Variants in CNIH3 observed in about 807,000 individuals in gnomAD.
CNIH3 encodes the protein cornichon family AMPA receptor auxiliary protein 3, also known as protein cornichon homolog 3.
CNIH3 carries 14 observed loss-of-function variants against 24.1 expected under a neutral mutation model. That is an observed-to-expected ratio of 0.58 (90% CI 0.38 to 0.91). The LOEUF is 0.91. CNIH3 is among the 40% of genes least tolerant of loss of function. The pLI is 0.00. For missense variants in CNIH3, 178 were observed against 196.8 expected (o/e 0.90, Z 0.57); for synonymous variants, 68 against 73.8 (o/e 0.92, Z 0.40).
At chr1:224,591,170 A>T (rs1487828149), downstream of CNIH3, among the ~76,000 whole-genome samples, 1 of 152,238 alleles carries the variant, frequency 6.6e-6, no homozygotes, top group Non-Finnish European at 1.5e-5. Flanking sequence ...GACACCCTGC[A>T]CTGCTTCACA....
chr1:224,706,000 A>G (rs1182557612), intron 3 of CNIH3, among the ~76,000 whole-genome samples: 1 of 150,644 alleles, frequency 6.6e-6, no homozygotes, highest in Non-Finnish European at 1.5e-5. Flanking sequence ...GCTGATGACT[A>G]CTCTAGCACT....
intron 1 of CNIH3, among the ~76,000 whole-genome samples, chr1:224,463,830 G>A (rs1242559229): frequency 1.0e-4 from 12 of 117,902 alleles, no homozygotes; most frequent in Non-Finnish European, 1.9e-4. Context: ...TCGCTCTGTC[G>A]CCCAGGCTGG....
chr1:224,641,369 C>T lies in CNIH3; in HGVS notation c.81+24114C>T, dbSNP rs373631445. 5.1e-4 allele frequency among the ~76,000 whole-genome samples: 78 copies of T among 152,340 alleles called. 2 individuals are homozygous for T. In the East Asian group the frequency reaches 0.015, roughly 29 times the overall value. On this transcript the variant is annotated intron_variant, in intron 1 of 5. Coordinates refer to ENST00000272133, the MANE Select transcript of CNIH3 (RefSeq NM_152495.2). ...GCTGGGAACCCTCCCCTCCATCCTT[C>T]CCCACCTGGACTCTTTGGATTCCCC... is the stretch of plus-strand genomic sequence containing the variant.
chr1:224,531,616 T>G (rs557224434), intron 2 of CNIH3, among the ~76,000 whole-genome samples: 236 of 152,318 alleles, frequency 1.5e-3, no homozygotes, highest in Non-Finnish European at 1.8e-3. Context: ...AATGAAAGAA[T>G]TTTAGTCTTT....
At chr1:224,469,532 G>A (rs191430819) in intron 1 of CNIH3, among the ~76,000 whole-genome samples, 2 of 152,284 alleles carry the variant, frequency 1.3e-5, no homozygotes, top group African/African-American at 4.8e-5. Context: ...TATAGCGACA[G>A]AGTCTTGCTC....
In CNIH3 at chr1:224,458,627, C is replaced by A. The variant is rs1675780074; in HGVS notation, n.203+23765C>A. Among the ~76,000 whole-genome samples, 1 of 152,186 alleles carries A rather than the reference C, an allele frequency of 6.6e-6. No homozygotes were observed. The highest frequency in any genetic ancestry group is 1.5e-5 in the Non-Finnish European group (1 of 68,036). On this transcript the variant is annotated intron_variant and non_coding_transcript_variant, in intron 1 of 5. Transcript: ENST00000471578. The surrounding 1 kb of genome is among the most constrained non-coding windows in gnomAD (Gnocchi z 4.3). ...TCCTACCACTTTCCTACTACTCCCCCTAATGATAACATACTGAACTCACTT... is the reference window on the plus strand; with the variant it reads ...TCCTACCACTTTCCTACTACTCCCCATAATGATAACATACTGAACTCACTT...
intron 3 of CNIH3, among the ~76,000 whole-genome samples, chr1:224,561,013 C>T (rs534285351): frequency 6.6e-6 from 1 of 152,144 alleles, no homozygotes; most frequent in Non-Finnish European, 1.5e-5. Flanking sequence ...GTTTACTGGC[C>T]ATTTGCATGG....
chr1:224,599,281 A>C (rs1682112292), intron 3 of CNIH3, among the ~76,000 whole-genome samples: 1 of 152,248 alleles, frequency 6.6e-6, no homozygotes, highest in South Asian at 2.1e-4. Context: ...TACTGAGCCA[A>C]GATGGCCTTC....
chr1:224,564,795 G>A lies in CNIH3; in HGVS notation n.451-1404G>A, dbSNP rs563812195. ...GATTGTCCTGCTCTACCTTCCACAA[G>A]GATGGCTTTGTCTGCCAGAAAGAAT... On this transcript the variant is annotated intron_variant and non_coding_transcript_variant, in intron 3 of 5. Coordinates refer to the CNIH3 transcript ENST00000471578. 3.3e-5 allele frequency among the ~76,000 whole-genome samples: 5 copies of A among 152,364 alleles called. 1 individual carries two copies. The South Asian group carries it at 6.2e-4, about 19-fold the overall frequency.
chr1:224,520,579 T>C (rs1678583421), intron 1 of CNIH3, among the ~76,000 whole-genome samples: 1 of 152,248 alleles, frequency 6.6e-6, no homozygotes, highest in Non-Finnish European at 1.5e-5. Context: ...GAATTGAATA[T>C]TGTCAGTTTC....
chr1:224,644,967 A>G (rs1173261132), intron 1 of CNIH3, among the ~76,000 whole-genome samples: 3 of 152,192 alleles, frequency 2.0e-5, no homozygotes, highest in Non-Finnish European at 2.9e-5. Context: ...CTGTGTGGCC[A>G]ACTAAGGACT....
chr1:224,688,328 G>A (rs1686758844), intron 3 of CNIH3, among the ~76,000 whole-genome samples: 1 of 152,186 alleles, frequency 6.6e-6, no homozygotes, highest in African/African-American at 2.4e-5. Flanking sequence ...TTTAGCTTAA[G>A]TTGGTAACAC....
intron 3 of CNIH3, among the ~76,000 whole-genome samples, chr1:224,607,444 C>T (rs1249285751): frequency 6.6e-6 from 1 of 152,100 alleles, no homozygotes; most frequent in Admixed American, 6.5e-5. Flanking sequence ...CGGTTGCATT[C>T]CTTTGAGTCT....
chr1:224,451,401 A>G (rs1206725459), intron 1 of CNIH3, among the ~76,000 whole-genome samples: 1 of 152,092 alleles, frequency 6.6e-6, no homozygotes, highest in African/African-American at 2.4e-5. Flanking sequence ...TTCTCTCCCC[A>G]GTGGGTGGGT....
intron 1 of CNIH3, among the ~76,000 whole-genome samples, chr1:224,483,390 ATTT>A (rs34771495): frequency 7.2e-6 from 1 of 139,084 alleles, no homozygotes. Context: ...TGCTCACCTG[ATTT>A]TTTTTTTTTT....
intron 1 of CNIH3, among the ~76,000 whole-genome samples, chr1:224,632,871 T>G (rs1286440726): frequency 6.6e-6 from 1 of 152,160 alleles, no homozygotes; most frequent in Non-Finnish European, 1.5e-5. Context: ...GTACCAAAAG[T>G]CATGCCCTAG....
intron 3 of CNIH3, among the ~76,000 whole-genome samples, chr1:224,686,234 C>A (rs937605300): frequency 1.5e-4 from 22 of 148,962 alleles, no homozygotes; most frequent in Admixed American, 4.1e-4. Flanking sequence ...TCAGTTCCCA[C>A]CTATAAGTGA....
At chr1:224,656,489 A>G (rs1002707965) in intron 1 of CNIH3, among the ~76,000 whole-genome samples, 4 of 152,140 alleles carry the variant, frequency 2.6e-5, no homozygotes, top group African/African-American at 9.7e-5. Flanking sequence ...GGAAAAGTTC[A>G]TGTTCCCTTT....
intron 1 of CNIH3, among the ~76,000 whole-genome samples, chr1:224,678,083 C>T (rs892346648): frequency 6.6e-6 from 1 of 151,990 alleles, no homozygotes; most frequent in African/African-American, 2.4e-5. Context: ...TGGGTATTGA[C>T]GATACTGTGT....
Sources: gnomAD v4.1 joint callset for allele counts (sites outside exome capture counted in the v4.1 genomes callset) on GRCh38, gnomAD v4.1.1 for gene constraint, Gnocchi (gnomAD v3.1) non-coding constraint, MANE v1.5 for transcripts, NCBI Gene and HGNC (gene_info 2026-07-23, HGNC 2026-07-21) for gene names.